Variants in MBD3 observed in about 807,000 individuals in gnomAD.
The protein encoded by MBD3 is methyl-CpG binding domain protein 3, also known as methyl-CpG-binding domain protein 3.
MBD3 carries 13 observed loss-of-function variants against 31.2 expected under a neutral mutation model. The observed-to-expected ratio is 0.42, with a 90% CI of 0.27 to 0.66. The LOEUF (loss-of-function observed/expected upper bound fraction) is 0.66. MBD3 is among the 30% of genes least tolerant of loss of function. The pLI is 0.26. For synonymous variants in MBD3, 223 were observed against 187.4 expected (o/e 1.19, Z -1.55); for missense variants, 440 against 426.5 (o/e 1.03, Z -0.28).
intron 4 of MBD3, among the ~76,000 whole-genome samples, chr19:1,581,969 A>C (rs377709090): frequency 6.6e-6 from 1 of 151,990 alleles, no homozygotes; most frequent in East Asian, 1.9e-4. Flanking sequence ...GGGTTTCACC[A>C]TGTTAGCCAG....
At chr19:1,582,440 A>T (rs1009749318) in intron 4 of MBD3, among the ~76,000 whole-genome samples, 182 bp downstream of exon 4, 4 of 151,956 alleles carry the variant, frequency 2.6e-5, no homozygotes, top group African/African-American at 9.7e-5. Context: ...GGCCCAGCCC[A>T]AGCGCCCTTA....
In MBD3 at chr19:1,575,926, C is replaced by A. The variant is rs191926411; in HGVS notation, c.*2238G>T. ...CAAGGCCAGGACATGGCCAGAACCC[C>A]GGGATCAGAGGGACTGATCGGGGTC... On this transcript the variant is annotated 3_prime_UTR_variant, in exon 7 of 7. Coordinates refer to ENST00000434436, the MANE Select transcript of MBD3 (RefSeq NM_001281453.2). The A allele has an allele frequency of 2.0e-5, 3 of 152,308 alleles. No homozygotes were observed. Among genetic ancestry groups the A allele is most frequent in the African/African-American group, 7.2e-5 (3 of 41,440 alleles). 9.4% of individuals were successfully genotyped at this position (152,308 alleles called of 1,614,324 possible).
chr19:1,585,016 G>C lies in MBD3; in HGVS notation c.270+39C>G, dbSNP rs376818214. 1 of 1,604,838 alleles carries C rather than the reference G, an allele frequency of 6.2e-7. No individual in the cohort carries two copies. The highest frequency in any genetic ancestry group is 1.3e-5 in the African/African-American group (1 of 74,834). ...TCATGGCCGCGTCCCCGCCTAGAAC[G>C]CCCCGCGCCGACGTCACCTGCGTGA... On this transcript the variant is annotated intron_variant, in intron 2 of 6. Coordinates refer to ENST00000434436, the MANE Select transcript of MBD3 (RefSeq NM_001281453.2). The surrounding 1 kb of genome is among the most constrained non-coding windows in gnomAD (Gnocchi z 4.1).
chr19:1,590,614 A>G (rs1241302691), intron 1 of MBD3, among the ~76,000 whole-genome samples: 1 of 152,210 alleles, frequency 6.6e-6, no homozygotes, highest in Non-Finnish European at 1.5e-5. Context: ...GTCTCAAAGA[A>G]AAAAAACAAA....
In MBD3 at chr19:1,585,022, C is replaced by A. The variant is rs1295086559; in HGVS notation, c.270+33G>T. ...CCGCGTCCCCGCCTAGAACGCCCCGCGCCGACGTCACCTGCGTGACGCCAC... is the reference window on the plus strand; with the variant it reads ...CCGCGTCCCCGCCTAGAACGCCCCGAGCCGACGTCACCTGCGTGACGCCAC... On this transcript the variant is annotated intron_variant, in intron 2 of 6. Coordinates refer to ENST00000434436, the MANE Select transcript of MBD3 (RefSeq NM_001281453.2). The surrounding 1 kb of genome is among the most constrained non-coding windows in gnomAD (Gnocchi z 4.1). 6.2e-7 allele frequency: 1 copy of A among 1,606,868 alleles called. No homozygotes were observed. The highest frequency in any genetic ancestry group is 8.5e-7 in the Non-Finnish European group (1 of 1,179,016).
At position 1,578,639 on chromosome 19, in the gene MBD3, G is replaced by T; in HGVS notation, c.678-101C>A. On this transcript the variant is annotated intron_variant, in intron 5 of 6. Transcript: ENST00000434436. The surrounding 1 kb of genome is among the most constrained non-coding windows in gnomAD (Gnocchi z 6.1). ...CTCAGCTGGGAGGGGAGGCCCGAGG[G>T]ATCCACAGGCACCCCCCCAGGACCA... is the stretch of plus-strand genomic sequence containing the variant. The T allele has an allele frequency of 6.3e-7, 1 of 1,596,212 alleles. No individual in the cohort carries two copies. The highest frequency in any genetic ancestry group is 1.7e-5 in the Admixed American group (1 of 59,990).
chr19:1,585,535 CA>C lies in MBD3; in HGVS notation c.111-322del. 2.5e-6 allele frequency: 1 copy of C among 394,028 alleles called. No homozygotes were observed. Among genetic ancestry groups the C allele is most frequent in the Non-Finnish European group, 4.8e-6 (1 of 209,560 alleles). The allele number at this position is 394,028 out of a possible 1,614,324, so 24.4% of individuals were successfully genotyped here. On this transcript the variant is annotated intron_variant, in intron 1 of 6. Transcript: ENST00000434436. The surrounding 1 kb of genome is among the most constrained non-coding windows in gnomAD (Gnocchi z 4.1). The stretch of plus-strand genomic sequence containing the variant: ...CAGCCTCCACATCGGATCCTTGCTC[CA>C]GACCCCCAACCCCGGTCCCCTCTGA...
chr19:1,581,073 G>T lies in MBD3; in HGVS notation c.677+19C>A, dbSNP rs2145595664. 6.2e-7 allele frequency: 1 copy of T among 1,613,980 alleles called. No individual in the cohort carries two copies. Among genetic ancestry groups the T allele is most frequent in the East Asian group, 2.2e-5 (1 of 44,862 alleles). ...CAAGAGACAGGGTGGAGCAGCAGGG[G>T]ACCAGGCCAAGGGGCTACCTGATGT... On this transcript the variant is annotated intron_variant, in intron 5 of 6. Transcript: ENST00000434436.
intron 2 of MBD3, 61 bp downstream of exon 2, chr19:1,584,967 GGGCTGTGTCGCCTGCAGCTCACGTCAT>G: frequency 1.3e-6 from 2 of 1,554,344 alleles, no homozygotes; most frequent in Non-Finnish European, 1.7e-6. Context: ...TCAGGACGCC[GGGCTGTGTCGCCTGCAGCTCACGTCAT>G]GGCCGCGTCC....
At chr19:1,581,776 T>TC (rs1917360260) in intron 4 of MBD3, 1 of 191,516 alleles carries the variant, frequency 5.2e-6, no homozygotes, top group East Asian at 1.4e-4. Context: ...TGTATCTTTT[T>TC]TTTTTTTTTT....
Position 1,578,610 on chromosome 19 carries a change from G to C in MBD3, c.678-72C>G, listed in dbSNP as rs1055732908. On this transcript the variant is annotated intron_variant, in intron 5 of 6. Transcript: ENST00000434436. This position sits in a 1 kb window ranked among gnomAD's most constrained non-coding sequence, Gnocchi z 6.1. ...GGACATGGACACAGGATGAACGTGGGGACCTCAGCTGGGAGGGGAGGCCCG... is the reference window on the plus strand; with the variant it reads ...GGACATGGACACAGGATGAACGTGGCGACCTCAGCTGGGAGGGGAGGCCCG... 1.4e-5 allele frequency: 23 copies of C among 1,602,396 alleles called. No homozygotes were observed. Among genetic ancestry groups the C allele is most frequent in the Middle Eastern group, 1.8e-4 (1 of 5,662 alleles).
chr19:1,582,152 C>T (rs564891493), intron 4 of MBD3, among the ~76,000 whole-genome samples: 8 of 152,236 alleles, frequency 5.3e-5, no homozygotes, highest in Non-Finnish European at 1.2e-4. Flanking sequence ...AACTCCTGCC[C>T]CAGCCCCGCC....
Position 1,585,326 on chromosome 19 carries a change from C to CCCCAGA in MBD3, c.111-118_111-113dup. 1 of 1,234,676 alleles carries CCCCAGA rather than the reference C, an allele frequency of 8.1e-7. No homozygotes were observed. Among genetic ancestry groups the CCCCAGA allele is most frequent in the Admixed American group, 2.1e-5 (1 of 46,886 alleles). 76.5% of individuals were successfully genotyped at this position (1,234,676 alleles called of 1,614,324 possible). On this transcript the variant is annotated intron_variant, in intron 1 of 6. Transcript: ENST00000434436. The surrounding 1 kb of genome is among the most constrained non-coding windows in gnomAD (Gnocchi z 4.1). Reference sequence around the variant, plus strand: ...CCCCAGCTTCAGGTCGCGACCCCAGCCCCAGACCCCAACACGGCCCTGACC... The same window carrying CCCCAGA: ...CCCCAGCTTCAGGTCGCGACCCCAGCCCCAGACCCAGACCCCAACACGGCCCTGACC...
At chr19:1,588,716 T>C (rs1027508451) in intron 1 of MBD3, among the ~76,000 whole-genome samples, 4 of 145,052 alleles carry the variant, frequency 2.8e-5, no homozygotes, top group Non-Finnish European at 4.5e-5. Context: ...GAGGCAGAGG[T>C]TGCAGTGAGC....
In MBD3 at chr19:1,580,215, A is replaced by T. The variant is rs139238670; in HGVS notation, c.677+877T>A. Among the ~76,000 whole-genome samples the T allele has an allele frequency of 1.8e-3, 277 of 152,332 alleles. 2 individuals carry two copies. The highest frequency in any genetic ancestry group is 6.4e-3 in the African/African-American group (265 of 41,568). ...TGTAAATGGACCTCAAACCCAAAAGAGGGGGCCCAGAGGTACCACGGCCGG... is the reference window on the plus strand; with the variant it reads ...TGTAAATGGACCTCAAACCCAAAAGTGGGGGCCCAGAGGTACCACGGCCGG... On this transcript the variant is annotated intron_variant, in intron 5 of 6. Coordinates refer to ENST00000434436, the MANE Select transcript of MBD3 (RefSeq NM_001281453.2).
chr19:1,580,913 C>T (rs777667374), intron 5 of MBD3, among the ~76,000 whole-genome samples, 179 bp downstream of exon 5: 5 of 152,174 alleles, frequency 3.3e-5, no homozygotes, highest in African/African-American at 9.7e-5. Context: ...GAACCCAGGA[C>T]GCGGGTGAAA....
At chr19:1,584,830 G>T (rs1231059949) in intron 2 of MBD3, 153 bp from the exon 3 acceptor site, 2 of 976,624 alleles carry the variant, frequency 2.0e-6, no homozygotes, top group Non-Finnish European at 2.8e-6. Context: ...GGCCGCTCCC[G>T]CAGGGTCGGT....
chr19:1,584,518 G>C (rs1352610952), intron 3 of MBD3, 22 bp downstream of exon 3: 1 of 1,611,548 alleles, frequency 6.2e-7, no homozygotes, highest in East Asian at 2.2e-5. Context: ...GGAAGGCTGG[G>C]GTCGCTGTGC....
At position 1,584,786 on chromosome 19, in the gene MBD3, C is replaced by G. The variant is rs2060670179; in HGVS notation, c.271-109G>C. On this transcript the variant is annotated intron_variant, in intron 2 of 6. Transcript: ENST00000434436. ...CTGCTTTGCCGGCGCCCCTCGTGTC[C>G]CCCGCGCCCGCCAGGACCCCCACGG... The G allele has an allele frequency of 3.3e-6, 4 of 1,199,254 alleles. No homozygotes were observed. The Admixed American group carries it at 8.9e-5, about 27-fold the overall frequency. 74.3% of individuals were successfully genotyped at this position (1,199,254 alleles called of 1,614,324 possible). A position where few individuals can be genotyped will look rare whatever the true frequency, so the allele number is the denominator to read the frequency against.
Sources: gnomAD v4.1 joint callset for allele counts (sites outside exome capture counted in the v4.1 genomes callset) on GRCh38, gnomAD v4.1.1 for gene constraint, Gnocchi (gnomAD v3.1) non-coding constraint, MANE v1.5 for transcripts, NCBI Gene and HGNC (gene_info 2026-07-23, HGNC 2026-07-21) for gene names.